The following FGF3 variants were observed in gnomAD, a reference collection of about 807,000 sequenced individuals.
FGF3 encodes FGF-3.
In FGF3, 7 loss-of-function variants were observed where a neutral mutation model predicts 9.8. The observed-to-expected ratio is 0.72, with a 90% CI of 0.41 to 1.35. FGF3 has a LOEUF of 1.35. FGF3 is among the 40% of genes most tolerant of loss of function. The probability of loss-of-function intolerance (pLI) is 0.01; values close to 1 mark genes in which losing one functional copy is unlikely to be tolerated. For synonymous variants in FGF3, 173 were observed against 157.2 expected (o/e 1.10, Z -0.75); for missense variants, 390 against 345.6 (o/e 1.13, Z -1.02).
chr11:69,813,842 GGTTGGA>G (rs1554980771), intron 2 of FGF3, among the ~76,000 whole-genome samples: 1 of 148,890 alleles, frequency 6.7e-6, no homozygotes, highest in African/African-American at 2.5e-5. Context: ...GTGGATGGCT[GGTTGGA>G]TGGATGGGTG....
chr11:69,818,039 C>A (rs79721245), intron 1 of FGF3, among the ~76,000 whole-genome samples: 18,964 of 152,208 alleles, frequency 0.12, 1,401 homozygotes, highest in East Asian at 0.2. Context: ...CCTCCACCCT[C>A]CTGTCGCTGT....
chr11:69,817,598 C>T lies in FGF3; in HGVS notation c.220+1116G>A, dbSNP rs1179174263. On this transcript the variant is annotated intron_variant, in intron 1 of 2. Coordinates refer to ENST00000334134, the MANE Select transcript of FGF3 (RefSeq NM_005247.4). Reference sequence around the variant, plus strand: ...CGGACCCCCTGGTGACAGCTGGTGCCCACCGTGCGGCTCCGGAGGCGCATG... The same window carrying T: ...CGGACCCCCTGGTGACAGCTGGTGCTCACCGTGCGGCTCCGGAGGCGCATG... The T allele has an allele frequency of 3.3e-5, 5 of 152,220 alleles. No homozygotes were observed. The East Asian group carries it at 9.6e-4, about 29-fold the overall frequency. The allele number at this position is 152,220 out of a possible 1,614,324, so 9.4% of individuals were successfully genotyped here.
chr11:69,810,689 G>T lies in FGF3; in HGVS notation c.336C>A (p.Ser112Arg). The T allele has an allele frequency of 1.3e-6, 2 of 1,586,656 alleles. No homozygotes were observed. Among genetic ancestry groups the T allele is most frequent in the Non-Finnish European group, 1.7e-6 (2 of 1,162,806 alleles). Residue 112 changes from serine to arginine, a missense_variant, in exon 3 of 3, where the codon AGC (serine) becomes AGA (arginine). By Grantham distance (110) the Ser-to-Arg change is moderately radical. Transcript: ENST00000334134. ...RGRLYASEHYSAECEFVERIH... is the reference protein window; with the variant it reads ...RGRLYASEHYRAECEFVERIH... ...TCCGCTCCACAAACTCGCACTCGGC[G>T]CTGTAGTGCTCCTGCGGGGATGAGA...
chr11:69,814,058 GA>G (rs1554980825), intron 2 of FGF3, among the ~76,000 whole-genome samples: 3 of 152,008 alleles, frequency 2.0e-5, no homozygotes, highest in African/African-American at 7.3e-5. Flanking sequence ...TGGATGGAAA[GA>G]AGGATGAGAG....
chr11:69,816,860 G>C (rs1856141799), intron 1 of FGF3, among the ~76,000 whole-genome samples: 1 of 152,304 alleles, frequency 6.6e-6, no homozygotes, highest in African/African-American at 2.4e-5. Context: ...GGGACTGCAC[G>C]GTCCCCAATG....
intron 2 of FGF3, among the ~76,000 whole-genome samples, chr11:69,815,867 G>C (rs547027796): frequency 1.3e-5 from 2 of 152,112 alleles, no homozygotes; most frequent in Non-Finnish European, 2.9e-5. Context: ...TTCAGCTCTC[G>C]CCTTTCCACC....
Position 69,810,427 on chromosome 11 carries a change from T to C in FGF3, c.598A>G (p.Arg200Gly), listed in dbSNP as rs1305463722. ...MVRQLQSGLP[R>G]PPGKGVQPRR... is the part of the protein sequence containing the mutation. ...GGCTGGACCCCCTTACCAGGGGGTC[T>C]GGGCAGCCCACTCTGTAGCTGCCGC... Residue 200 changes from arginine (R) to glycine (G), a missense_variant, in exon 3 of 3, where the codon AGA (arginine) becomes GGA (glycine). Arg to Gly is a moderately radical substitution (Grantham distance 125). Transcript: ENST00000334134. The C allele has an allele frequency of 6.3e-7, 1 of 1,583,626 alleles. No individual in the cohort carries two copies. The highest frequency in any genetic ancestry group is 8.6e-7 in the Non-Finnish European group (1 of 1,163,052).
At chr11:69,815,486 G>A (rs1554980994) in intron 2 of FGF3, among the ~76,000 whole-genome samples, 2 of 152,214 alleles carry the variant, frequency 1.3e-5, no homozygotes, top group African/African-American at 4.8e-5. Flanking sequence ...ATCAGCTTCT[G>A]CGAGAGGGAG....
chr11:69,810,425 TCTGGGCAGCCCACTCTGTAG>T lies in FGF3; in HGVS notation c.580_599del (p.Leu194ThrfsTer4). On this transcript the variant is annotated frameshift_variant, in exon 3 of 3. Coordinates refer to ENST00000334134, the MANE Select transcript of FGF3 (RefSeq NM_005247.4). LOFTEE classifies it low-confidence loss of function (END_TRUNC). Reference sequence around the variant, plus strand: ...GGGGCTGGACCCCCTTACCAGGGGGTCTGGGCAGCCCACTCTGTAGCTGCCGCACCATCTCGTGGTCCCTG... The same window carrying T: ...GGGGCTGGACCCCCTTACCAGGGGGTCTGCCGCACCATCTCGTGGTCCCTG... 1 of 1,580,320 alleles carries T rather than the reference TCTGGGCAGCCCACTCTGTAG, an allele frequency of 6.3e-7. No individual in the cohort carries two copies. Among genetic ancestry groups the T allele is most frequent in the Non-Finnish European group, 8.6e-7 (1 of 1,161,492 alleles).
intron 1 of FGF3, among the ~76,000 whole-genome samples, chr11:69,818,130 G>A (rs952036048): frequency 1.8e-4 from 27 of 152,268 alleles, no homozygotes; most frequent in African/African-American, 6.3e-4. Context: ...AGGGAACCGA[G>A]CTCCGCAGGG....
Position 69,819,333 on chromosome 11 carries a change from A to ATAC in FGF3, c.-403_-401dup, listed in dbSNP as rs1856202085. On this transcript the variant is annotated 5_prime_UTR_variant, in exon 1 of 3. The change creates a new upstream start codon in the 5' untranslated region. Coordinates refer to ENST00000334134, the MANE Select transcript of FGF3 (RefSeq NM_005247.4). ...GGGGTTCGGGCCGGGCGCCGTCTGC[A>ATAC]TACACTCGCCGCCAGCGCACCGCCG... Among the ~76,000 whole-genome samples the ATAC allele has an allele frequency of 6.6e-6, 1 of 150,820 alleles. No homozygotes were observed. Among genetic ancestry groups the ATAC allele is most frequent in the African/African-American group, 2.4e-5 (1 of 41,056 alleles).
chr11:69,815,079 G>GTGAGTGGA (rs1295040837), intron 2 of FGF3, among the ~76,000 whole-genome samples: 1 of 151,370 alleles, frequency 6.6e-6, no homozygotes, highest in African/African-American at 2.4e-5. Flanking sequence ...AGGTGGATGG[G>GTGAGTGGA]TGAGTGGATG....
chr11:69,818,877 C>CT lies in FGF3; in HGVS notation c.56_57insA (p.Gly22TrpfsTer106). 1 of 1,462,612 alleles carries CT rather than the reference C, an allele frequency of 6.8e-7. No homozygotes were observed. Among genetic ancestry groups the CT allele is most frequent in the Non-Finnish European group, 9.0e-7 (1 of 1,113,566 alleles). The allele number at this position is 1,462,612 out of a possible 1,614,324, so 90.6% of individuals were successfully genotyped here. A position where few individuals can be genotyped will look rare whatever the true frequency, so the allele number is the denominator to read the frequency against. On this transcript the variant is annotated frameshift_variant, in exon 1 of 3. Coordinates refer to ENST00000334134, the MANE Select transcript of FGF3 (RefSeq NM_005247.4). LOFTEE classifies it high-confidence loss of function. ...CGCGCCGCAACCGCGCCCCAGGGCC[C>CT]GCTGCGGGCCAGCCGGGCTCCAGCA...
rs281860307 is a variant in FGF3 at position 69,810,566 on chromosome 11, CCA to C, written c.457_458del (p.Trp153ValfsTer51). On this transcript the variant is annotated frameshift_variant, in exon 3 of 3. Transcript: ENST00000334134. LOFTEE classifies it low-confidence loss of function (END_TRUNC). ...GGCCCTTGCCGTTCACAGACACGTACCACAGTCTCTCGGCGCTGGGCTGCCGG... is the reference window on the plus strand; with the variant it reads ...GGCCCTTGCCGTTCACAGACACGTACCAGTCTCTCGGCGCTGGGCTGCCGG... Reference protein sequence around the residue: ...ARRQPSAERLWYVSVNGKGRP... With the variant: ...ARRQPSAERLXYVSVNGKGRP... 2 of 1,612,674 alleles carry C rather than the reference CCA, an allele frequency of 1.2e-6. No homozygotes were observed. The highest frequency in any genetic ancestry group is 1.7e-6 in the Non-Finnish European group (2 of 1,179,592).
At chr11:69,811,307 G>A (rs1008384994) in intron 2 of FGF3, among the ~76,000 whole-genome samples, 2 of 152,020 alleles carry the variant, frequency 1.3e-5, no homozygotes, top group African/African-American at 2.4e-5. Flanking sequence ...AAAATTAGCC[G>A]GGTGTGGTGG....
intron 2 of FGF3, among the ~76,000 whole-genome samples, chr11:69,813,576 ATGGATGGATAGATGGGTGGG>A (rs1554980668): frequency 0.026 from 3,438 of 130,324 alleles, 447 homozygotes; most frequent in East Asian, 0.046. Flanking sequence ...GGGTGGATGG[ATGGATGGATAGATGGGTGGG>A]TGGATGGATG....
rs150581924 is a variant in FGF3 at position 69,816,333 on chromosome 11, C to G, written c.311G>C (p.Arg104Pro). ...GCCTGGACTCACCGAAGCATAGAGT[C>G]GTCCCCTCTTGTTCATGGCCAGGTA... is the stretch of plus-strand genomic sequence containing the variant. ...GRYLAMNKRG[R>P]LYASEHYSAE... The change falls in exon 2 of 3, where the codon CGA becomes CCA. Residue 104 changes from arginine to proline, a missense_variant. Physicochemically the swap from Arg to Pro is moderately radical, Grantham distance 103 (BLOSUM62 -2). Coordinates refer to ENST00000334134, the MANE Select transcript of FGF3 (RefSeq NM_005247.4). The G allele has an allele frequency of 6.2e-7, 1 of 1,613,522 alleles. No homozygotes were observed. The highest frequency in any genetic ancestry group is 1.3e-5 in the African/African-American group (1 of 74,920).
intron 2 of FGF3, among the ~76,000 whole-genome samples, chr11:69,813,744 CTGGATGGATGGATGGGTGGATGGG>C (rs1856070400): frequency 4.6e-5 from 1 of 21,642 alleles, no homozygotes; most frequent in African/African-American, 1.9e-4. Flanking sequence ...GGGTGGATGG[CTGGATGGATGGATGGGTGGATGGG>C]TGGATGGATG....
chr11:69,816,868 A>G (rs1856141951), intron 1 of FGF3, among the ~76,000 whole-genome samples: 2 of 152,192 alleles, frequency 1.3e-5, no homozygotes, highest in South Asian at 2.1e-4. Context: ...ACGGTCCCCA[A>G]TGCCTGTGCC....
Sources: allele counts gnomAD v4.1 joint callset (sites outside exome capture counted in the v4.1 genomes callset), GRCh38; gene constraint gnomAD v4.1.1; transcripts MANE v1.5; gene names NCBI Gene and HGNC (gene_info 2026-07-23, HGNC 2026-07-21).